The following ANXA10 variants were observed in gnomAD, a reference collection of about 807,000 sequenced individuals.
The protein encoded by ANXA10 is annexin 14.
A neutral mutation model predicts 53.5 loss-of-function variants in ANXA10; 49 were observed. The ratio of observed to expected loss-of-function variants is 0.92; its 90% CI spans 0.73 to 1.16. The LOEUF (loss-of-function observed/expected upper bound fraction) is 1.16. Ranked by LOEUF, ANXA10 falls within the 50% of genes most tolerant of loss-of-function variation. The probability of loss-of-function intolerance (pLI) is 0.00; values close to 1 mark genes in which losing one functional copy is unlikely to be tolerated. For missense variants in ANXA10, 393 were observed against 394.4 expected, an observed-to-expected ratio of 1.00 and a Z score of 0.03; for synonymous variants, 131 against 128.9, an observed-to-expected ratio of 1.02 and a Z score of -0.11.
chr4:168,139,471 A>G lies in ANXA10; in HGVS notation c.101-15A>G. ...GTAGCAACTTTACTAATCTTCAAAT[A>G]TTATTCTTTTCCAGACTGTGACAAA... On this transcript the variant is annotated splice_polypyrimidine_tract_variant and intron_variant, in intron 2 of 11. Transcript: ENST00000359299. The G allele has an allele frequency of 1.2e-6, 2 of 1,607,340 alleles. No homozygotes were observed. The highest frequency in any genetic ancestry group is 1.7e-6 in the Non-Finnish European group (2 of 1,174,718).
rs760554009 is a variant in ANXA10, at chr4:168,184,599, T to C, written c.824T>C (p.Ile275Thr). 3 of 1,614,010 alleles carry C rather than the reference T, an allele frequency of 1.9e-6. No homozygotes were observed. Among genetic ancestry groups the C allele is most frequent in the South Asian group, 2.2e-5 (2 of 91,076 alleles). ...FHNKTVIRIL[I>T]ARSEIDLLTI... is the part of the protein sequence containing the mutation. ...AATAAAACTGTAATCAGGATTCTCA[T>C]TGCCAGAAGTGAAATAGACCTGCTG... Residue 275 changes from isoleucine (I) to threonine (T), a missense_variant, in exon 11 of 12, where the codon ATT becomes ACT. Coordinates refer to ENST00000359299, the MANE Select transcript of ANXA10 (RefSeq NM_007193.5).
At chr4:168,182,481 C>G (rs1026125202) in intron 10 of ANXA10, among the ~76,000 whole-genome samples, 3 of 149,474 alleles carry the variant, frequency 2.0e-5, no homozygotes, top group Non-Finnish European at 4.5e-5. Flanking sequence ...CAGGTACCCG[C>G]CACCACACCC....
At chr4:168,103,378 T>C (rs1730671429) in intron 1 of ANXA10, among the ~76,000 whole-genome samples, 1 of 151,982 alleles carries the variant, frequency 6.6e-6, no homozygotes, top group African/African-American at 2.4e-5. Flanking sequence ...TTTTTTTATA[T>C]GAATCTCCAA....
intron 3 of ANXA10, among the ~76,000 whole-genome samples, chr4:168,152,126 A>T (rs887526976): frequency 3.3e-5 from 5 of 152,204 alleles, no homozygotes; most frequent in African/African-American, 9.6e-5. Context: ...GGTGGGAGAG[A>T]TCATGCATAG....
intron 1 of ANXA10, among the ~76,000 whole-genome samples, chr4:168,104,801 T>C (rs1169419636): frequency 6.6e-6 from 1 of 151,766 alleles, no homozygotes; most frequent in Admixed American, 6.6e-5. Flanking sequence ...TTACTTCATT[T>C]TATTTATTTT....
rs771039827 is a variant in ANXA10 at position 168,184,628 on chromosome 4, A to T, written c.853A>T (p.Ile285Leu). 1 of 1,614,162 alleles carries T rather than the reference A, an allele frequency of 6.2e-7. No individual in the cohort carries two copies. Residue 285 changes from isoleucine to leucine, a missense_variant, in exon 11 of 12, where the codon ATA becomes TTA. Coordinates refer to ENST00000359299, the MANE Select transcript of ANXA10 (RefSeq NM_007193.5). ...CAGAAGTGAAATAGACCTGCTGACC[A>T]TAAGGAAACGATACAAAGAGCGATA... Reference protein sequence around the residue: ...IARSEIDLLTIRKRYKERYGK... With the variant: ...IARSEIDLLTLRKRYKERYGK...
intron 3 of ANXA10, among the ~76,000 whole-genome samples, chr4:168,157,413 G>A (rs1225849217): frequency 6.6e-6 from 1 of 151,964 alleles, no homozygotes; most frequent in South Asian, 2.1e-4. Flanking sequence ...GATTACAGGC[G>A]CCTGCCACCA....
rs775905458 is a variant in ANXA10, at chr4:168,128,174, G to T, written c.100+9G>T. On this transcript the variant is annotated intron_variant, in intron 2 of 11. Coordinates refer to ENST00000359299, the MANE Select transcript of ANXA10 (RefSeq NM_007193.5). ...AGCACTCCAAGGATTTGGTAAGTCT[G>T]ATTATTTCTACCATCTTTTATTGTG... 4 of 1,603,174 alleles carry T rather than the reference G, an allele frequency of 2.5e-6. No individual in the cohort carries two copies. Among genetic ancestry groups the T allele is most frequent in the Non-Finnish European group, 3.4e-6 (4 of 1,171,296 alleles).
chr4:168,187,628 C>T lies in ANXA10; in HGVS notation c.*194C>T, dbSNP rs944003724. The T allele has an allele frequency of 2.6e-6, 1 of 383,518 alleles. No homozygotes were observed. The highest frequency in any genetic ancestry group is 4.8e-6 in the Non-Finnish European group (1 of 209,548). 23.8% of individuals were successfully genotyped at this position (383,518 alleles called of 1,614,324 possible). ...TATGATACTGAATTTGCCTACTATC[C>T]TGAATTTGCCTACTATCTAATCAGC... On this transcript the variant is annotated 3_prime_UTR_variant, in exon 12 of 12. Transcript: ENST00000359299.
At chr4:168,097,453 G>GT (rs1468130762) in intron 1 of ANXA10, among the ~76,000 whole-genome samples, 1 of 151,872 alleles carries the variant, frequency 6.6e-6, no homozygotes, top group Non-Finnish European at 1.5e-5. Context: ...CAACATAATG[G>GT]TTTTAATTAC....
chr4:168,098,699 A>G (rs1716366572), intron 1 of ANXA10, among the ~76,000 whole-genome samples: 1 of 152,048 alleles, frequency 6.6e-6, no homozygotes, highest in Admixed American at 6.6e-5. Flanking sequence ...TGCCAGCATC[A>G]CAGTCTTACA....
intron 2 of ANXA10, among the ~76,000 whole-genome samples, chr4:168,128,621 G>A (rs6831836): frequency 0.33 from 49,909 of 151,928 alleles, 8,314 homozygotes; most frequent in Admixed American, 0.4. Flanking sequence ...TCTCTGCCTG[G>A]AATGTTATTT....
intron 3 of ANXA10, among the ~76,000 whole-genome samples, chr4:168,157,732 C>G (rs1731714536): frequency 1.3e-5 from 2 of 152,184 alleles, no homozygotes; most frequent in South Asian, 4.1e-4. Flanking sequence ...CATATGTGCT[C>G]TTTTATGTCT....
At chr4:168,155,946 TATATG>T (rs1463096083) in intron 3 of ANXA10, among the ~76,000 whole-genome samples, 427 of 6,794 alleles carry the variant, frequency 0.063, 105 homozygotes, top group Non-Finnish European at 0.084. Context: ...TTATATATAA[TATATG>T]ATATATCATA....
rs986799736 is a variant in ANXA10 at position 168,127,309 on chromosome 4, C to A, written c.19-775C>A. Among the ~76,000 whole-genome samples, 16 of 152,220 alleles carry A rather than the reference C, an allele frequency of 1.1e-4. No homozygotes were observed. In the East Asian group the frequency reaches 3.1e-3, roughly 29 times the overall value. ...AATGTCAGTCAAGTTTTTCTGTTTA[C>A]CTCTGCAGCCATGAGCTTTGGTTAG... is the stretch of plus-strand genomic sequence containing the variant. On this transcript the variant is annotated intron_variant, in intron 1 of 11. Coordinates refer to ENST00000359299, the MANE Select transcript of ANXA10 (RefSeq NM_007193.5).
intron 1 of ANXA10, among the ~76,000 whole-genome samples, chr4:168,120,985 G>A (rs137955400): frequency 1.1e-3 from 166 of 152,078 alleles, no homozygotes; most frequent in African/African-American, 3.6e-3. Context: ...TCATTTGGCC[G>A]TCTGCTTAAG....
intron 1 of ANXA10, among the ~76,000 whole-genome samples, chr4:168,119,320 T>C (rs757221846): frequency 1.8e-4 from 27 of 152,248 alleles, no homozygotes; most frequent in Non-Finnish European, 3.7e-4. Context: ...TCCACATAAT[T>C]GGAAATAGGC....
In ANXA10 at chr4:168,157,804, A is replaced by G. The variant is rs112871193; in HGVS notation, c.196-4724A>G. 9.4e-3 allele frequency among the ~76,000 whole-genome samples: 1,429 copies of G among 152,178 alleles called. 11 individuals carry two copies. The highest frequency in any genetic ancestry group is 0.019 in the South Asian group (94 of 4,824). The stretch of plus-strand genomic sequence containing the variant: ...CTTGTGAAGCTATGTGTATTCTTTT[A>G]TTGCTATTTTTCTAGTGCATATATA... On this transcript the variant is annotated intron_variant, in intron 3 of 11. Coordinates refer to ENST00000359299, the MANE Select transcript of ANXA10 (RefSeq NM_007193.5).
intron 1 of ANXA10, among the ~76,000 whole-genome samples, chr4:168,106,375 C>G (rs1730720268): frequency 6.6e-6 from 1 of 151,994 alleles, no homozygotes; most frequent in African/African-American, 2.4e-5. Context: ...AATTTTACAA[C>G]TCAATTAAGC....
Sources: gnomAD v4.1 joint callset for allele counts (sites outside exome capture counted in the v4.1 genomes callset) on GRCh38, gnomAD v4.1.1 for gene constraint, MANE v1.5 for transcripts, NCBI Gene and HGNC (gene_info 2026-07-23, HGNC 2026-07-21) for gene names.